Variants in MAPK10 observed in about 807,000 individuals in gnomAD.
MAPK10 encodes the protein mitogen-activated protein kinase 10.
Under a neutral mutation model 59.3 loss-of-function variants are expected in MAPK10, and 25 were observed. The ratio of observed to expected loss-of-function variants is 0.42; its 90% CI spans 0.31 to 0.59. MAPK10 has a LOEUF of 0.59. Among genes scored for constraint, MAPK10 ranks in the 20% least tolerant of loss-of-function variants. The pLI is 0.15. For missense variants in MAPK10, 351 were observed against 568.9 expected, an observed-to-expected ratio of 0.62 and a Z score of 3.90; for synonymous variants, 190 against 200.5, an observed-to-expected ratio of 0.95 and a Z score of 0.44.
chr4:86,149,070 A>G (rs1355542698), intron 4 of MAPK10, among the ~76,000 whole-genome samples: 4 of 152,188 alleles, frequency 2.6e-5, no homozygotes, highest in Non-Finnish European at 1.5e-5. Context: ...CATATGTGCT[A>G]GATTCATTCC....
chr4:86,134,365 CCAGA>C (rs759483666), intron 4 of MAPK10, among the ~76,000 whole-genome samples: 28 of 152,230 alleles, frequency 1.8e-4, no homozygotes, highest in South Asian at 8.3e-4. Context: ...ATCTAGCCAG[CCAGA>C]CAAATTGAAA....
Position 86,344,284 on chromosome 4 carries a change from ACT to A in MAPK10, c.-7+10244_-7+10245del, listed in dbSNP as rs1726825765. On this transcript the variant is annotated intron_variant, in intron 2 of 13. Transcript: ENST00000641462. ...TGGGACTATAGGCACATGTCACCAC[ACT>A]CTGCTAATTTTTTCGTAGAGTCAGT... is the stretch of plus-strand genomic sequence containing the variant. 2.0e-5 allele frequency among the ~76,000 whole-genome samples: 3 copies of A among 152,070 alleles called. No homozygotes were observed. The South Asian group carries it at 6.2e-4, about 32-fold the overall frequency.
Position 86,011,189 on chromosome 4 carries a change from G to A in MAPK10, c.*6039C>T, listed in dbSNP as rs1741407364. 6.6e-6 allele frequency: 1 copy of A among 152,212 alleles called. No individual in the cohort carries two copies. Among genetic ancestry groups the A allele is most frequent in the Non-Finnish European group, 1.5e-5 (1 of 68,042 alleles). 9.4% of individuals were successfully genotyped at this position (152,212 alleles called of 1,614,324 possible). ...TTAAACAGACTACAATGATGTAAAT[G>A]GTTGAACAGTTGAAATTTAGTCTGG... On this transcript the variant is annotated 3_prime_UTR_variant, in exon 14 of 14. Transcript: ENST00000641462.
At chr4:86,086,548 A>G (rs1424012775) in intron 9 of MAPK10, among the ~76,000 whole-genome samples, 1 of 152,120 alleles carries the variant, frequency 6.6e-6, no homozygotes, top group Non-Finnish European at 1.5e-5. Context: ...TACCCAGAAA[A>G]ATTAAAAATT....
At chr4:86,295,096 T>C (rs1246533656) in intron 2 of MAPK10, among the ~76,000 whole-genome samples, 3 of 152,130 alleles carry the variant, frequency 2.0e-5, no homozygotes, top group African/African-American at 7.2e-5. Flanking sequence ...AAAATCAGAT[T>C]TGAAAATGTC....
chr4:86,135,283 C>T (rs1234939266), intron 4 of MAPK10, among the ~76,000 whole-genome samples: 2 of 152,162 alleles, frequency 1.3e-5, no homozygotes, highest in Non-Finnish European at 2.9e-5. Flanking sequence ...CTTAAATGTC[C>T]CTGTCTGACA....
rs549149602 is a variant in MAPK10 at position 86,387,267 on chromosome 4, C to T, written c.-121-32623G>A. Among the ~76,000 whole-genome samples the T allele has an allele frequency of 2.4e-3, 362 of 152,216 alleles. 6 individuals carry two copies. The highest frequency in any genetic ancestry group is 3.8e-3 in the Non-Finnish European group (256 of 68,026). On this transcript the variant is annotated intron_variant, in intron 1 of 13. Transcript: ENST00000361569. ...GGAGGATGTCCTTCAAGCCCAAGAG[C>T]ACAACGGAAGCACATTTTACTTGAA... is the stretch of plus-strand genomic sequence containing the variant.
intron 11 of MAPK10, among the ~76,000 whole-genome samples, chr4:86,050,758 G>A (rs925615992): frequency 2.7e-4 from 41 of 152,218 alleles, no homozygotes; most frequent in Non-Finnish European, 4.3e-4. Context: ...AATGGTGCAA[G>A]AGGCATGAGC....
chr4:86,349,402 G>T (rs577501630), intron 2 of MAPK10, among the ~76,000 whole-genome samples: 57 of 151,856 alleles, frequency 3.8e-4, no homozygotes, highest in African/African-American at 1.3e-3. Context: ...TCTTTCTTTT[G>T]TCAATCATTC....
chr4:86,028,244 A>C (rs1263231497), intron 13 of MAPK10: 1 of 151,980 alleles, frequency 6.6e-6, no homozygotes, highest in Non-Finnish European at 1.5e-5. Flanking sequence ...ATGGAAAACA[A>C]CTCCTGTGAT....
At chr4:86,478,325 A>G (rs905569895) in intron 1 of MAPK10, among the ~76,000 whole-genome samples, 4 of 152,104 alleles carry the variant, frequency 2.6e-5, no homozygotes, top group African/African-American at 4.8e-5. Context: ...ACCCACAGCC[A>G]AAGTGCAGGG....
intron 13 of MAPK10, among the ~76,000 whole-genome samples, chr4:86,021,606 G>A (rs914345912): frequency 3.3e-5 from 5 of 152,246 alleles, no homozygotes; most frequent in African/African-American, 4.8e-5. Flanking sequence ...CTGTGCGCTC[G>A]CATTCCTCAG....
At chr4:86,060,634 G>A (rs1430123764) in intron 11 of MAPK10, among the ~76,000 whole-genome samples, 2 of 151,860 alleles carry the variant, frequency 1.3e-5, no homozygotes, top group Admixed American at 1.3e-4. Context: ...CTTCCAACAG[G>A]GCACAAGGAA....
At chr4:86,468,084 C>T (rs2149064608) in intron 1 of MAPK10, among the ~76,000 whole-genome samples, 1 of 152,302 alleles carries the variant, frequency 6.6e-6, no homozygotes, top group Non-Finnish European at 1.5e-5. Flanking sequence ...TTTCCCAGGT[C>T]CCTGAATTTT....
At chr4:86,464,754 C>T (rs541189314) in intron 1 of MAPK10, among the ~76,000 whole-genome samples, 10 of 150,504 alleles carry the variant, frequency 6.6e-5, no homozygotes, top group East Asian at 2.0e-4. Flanking sequence ...CAGGAGGTGG[C>T]GCTTGCAGTG....
At chr4:86,215,825 G>A (rs2087360669) in intron 2 of MAPK10, among the ~76,000 whole-genome samples, 2 of 152,202 alleles carry the variant, frequency 1.3e-5, no homozygotes, top group South Asian at 2.1e-4. Flanking sequence ...TTGTGCCACT[G>A]CACTCCAGCC....
chr4:86,173,960 T>G (rs115397802), intron 3 of MAPK10, among the ~76,000 whole-genome samples: 12,881 of 110,880 alleles, frequency 0.12, 1,211 homozygotes, highest in African/African-American at 0.37. Flanking sequence ...TAATTAAAAA[T>G]TCAAGAAACA....
intron 1 of MAPK10, among the ~76,000 whole-genome samples, chr4:86,434,216 T>C (rs572283560): frequency 3.3e-5 from 5 of 152,214 alleles, no homozygotes; most frequent in Non-Finnish European, 2.9e-5. Context: ...CTAGACCCCC[T>C]ATCATGCACC....
intron 1 of MAPK10, among the ~76,000 whole-genome samples, chr4:86,424,523 C>G (rs560439707): frequency 6.6e-6 from 1 of 152,164 alleles, no homozygotes; most frequent in East Asian, 1.9e-4. Flanking sequence ...CTGTTTCCAC[C>G]AATTTGACTC....
Sources: allele counts gnomAD v4.1 joint callset (sites outside exome capture counted in the v4.1 genomes callset), GRCh38; gene constraint gnomAD v4.1.1; transcripts MANE v1.5; gene names NCBI Gene and HGNC (gene_info 2026-07-23, HGNC 2026-07-21).